The following MYBL2 variants were observed in gnomAD, a reference collection of about 807,000 sequenced individuals.
The protein encoded by MYBL2 is MYB proto-oncogene like 2.
In MYBL2, 28 loss-of-function variants were observed where a neutral mutation model predicts 79.9. The observed-to-expected ratio is 0.35, with a 90% CI of 0.26 to 0.48. The LOEUF (loss-of-function observed/expected upper bound fraction) is 0.48. Ranked by LOEUF, MYBL2 falls within the 20% of genes least tolerant of loss-of-function variation. MYBL2 has a pLI of 0.99. For synonymous variants in MYBL2, 378 were observed against 361.2 expected (o/e 1.05, Z -0.53); for missense variants, 735 against 893.9 (o/e 0.82, Z 2.27).
chr20:43,686,981 T>A lies in MYBL2; in HGVS notation c.409T>A (p.Cys137Ser). The change falls in exon 5 of 14, where the codon TGC (cysteine) becomes AGC (serine). Residue 137 changes from cysteine to serine, a missense_variant. By Grantham distance (112) the Cys-to-Ser change is moderately radical (BLOSUM62 -1). Coordinates refer to ENST00000217026, the MANE Select transcript of MYBL2 (RefSeq NM_002466.4). ...CCTCAACCCTGAGGTGAAGAAGTCT[T>A]GCTGGACCGAGGAGGAGGACCGCAT... ...NHLNPEVKKS[C>S]WTEEEDRIIC... The A allele has an allele frequency of 1.2e-6, 2 of 1,614,072 alleles. No homozygotes were observed. The highest frequency in any genetic ancestry group is 1.3e-5 in the African/African-American group (1 of 75,040).
chr20:43,711,441 A>T (rs1987903127), intron 10 of MYBL2, 47 bp from the exon 11 acceptor site: 2 of 1,487,160 alleles, frequency 1.3e-6, no homozygotes, highest in Admixed American at 3.7e-5. Context: ...ACACACACAC[A>T]GCCCGAGTGT....
At chr20:43,714,552 G>A (rs549516990) in intron 12 of MYBL2, among the ~76,000 whole-genome samples, 2 of 152,126 alleles carry the variant, frequency 1.3e-5, no homozygotes, top group South Asian at 2.1e-4. Flanking sequence ...GCTCTGAAAC[G>A]CACACACGTT....
chr20:43,681,270 C>G (rs1987136213), intron 2 of MYBL2, among the ~76,000 whole-genome samples: 1 of 152,102 alleles, frequency 6.6e-6, no homozygotes, highest in Non-Finnish European at 1.5e-5. Flanking sequence ...CCCTTCCAGC[C>G]CCTTTCCCAC....
At chr20:43,681,155 G>A (rs1047140777) in intron 2 of MYBL2, among the ~76,000 whole-genome samples, 20 of 152,186 alleles carry the variant, frequency 1.3e-4, no homozygotes, top group African/African-American at 4.6e-4. Context: ...ATACTAGCCT[G>A]TCTTCTAACT....
intron 1 of MYBL2, among the ~76,000 whole-genome samples, chr20:43,669,184 G>A (rs968719257): frequency 2.0e-5 from 3 of 151,996 alleles, no homozygotes; most frequent in Admixed American, 6.6e-5. Context: ...GTGGCCTCGC[G>A]TTGTGTCTCA....
At chr20:43,678,331 GAAAAAAAAA>G (rs11470203) in intron 2 of MYBL2, among the ~76,000 whole-genome samples, 25 of 142,982 alleles carry the variant, frequency 1.7e-4, no homozygotes, top group African/African-American at 3.7e-4. Flanking sequence ...AAGAAAGAAA[GAAAAAAAAA>G]AAAAAAGAAA....
At chr20:43,673,542 C>T (rs1471491985) in intron 1 of MYBL2, 11 of 495,894 alleles carry the variant, frequency 2.2e-5, no homozygotes, top group Admixed American at 5.0e-5. Context: ...GAGGCTGGGG[C>T]GGGACGATCA....
intron 1 of MYBL2, among the ~76,000 whole-genome samples, chr20:43,668,545 C>G (rs1454995867): frequency 1.3e-5 from 2 of 152,182 alleles, no homozygotes; most frequent in South Asian, 4.2e-4. Flanking sequence ...AAAGATGAAG[C>G]CTTCCATCCC....
intron 5 of MYBL2, among the ~76,000 whole-genome samples, chr20:43,691,264 G>T (rs1020952086): frequency 6.6e-6 from 1 of 152,128 alleles, no homozygotes; most frequent in African/African-American, 2.4e-5. Context: ...AAGGGGGTGA[G>T]AGTTCCAAGC....
intron 13 of MYBL2, 58 bp downstream of exon 13, chr20:43,715,341 T>C (rs1201156432): frequency 3.1e-6 from 5 of 1,606,604 alleles, no homozygotes; most frequent in Middle Eastern, 3.5e-4. Flanking sequence ...AGCTCAGGGC[T>C]GAGTGCTGGC....
At chr20:43,670,411 C>T (rs1986828211) in intron 1 of MYBL2, among the ~76,000 whole-genome samples, 1 of 152,178 alleles carries the variant, frequency 6.6e-6, no homozygotes, top group Non-Finnish European at 1.5e-5. Flanking sequence ...GACACCGTCC[C>T]TCCTTTCCTA....
At chr20:43,709,912 T>C (rs778967989) in intron 9 of MYBL2, 51 bp from the exon 10 acceptor site, 3 of 1,448,622 alleles carry the variant, frequency 2.1e-6, no homozygotes, top group Non-Finnish European at 2.9e-6. Context: ...GCAGAGTGCC[T>C]GGCGTCGGCC....
At position 43,696,350 on chromosome 20, in the gene MYBL2, C is replaced by T. The variant is rs1987541286; in HGVS notation, c.664-3407C>T. Among the ~76,000 whole-genome samples, 2 of 151,752 alleles carry T rather than the reference C, an allele frequency of 1.3e-5. 1 individual carries two copies. Among genetic ancestry groups the T allele is most frequent in the Admixed American group, 1.3e-4 (2 of 15,238 alleles). On this transcript the variant is annotated intron_variant, in intron 6 of 13. Coordinates refer to ENST00000217026, the MANE Select transcript of MYBL2 (RefSeq NM_002466.4). ...CCGCCTCCCGGGTTCAAGCGATTCT[C>T]CTGCCTCAGCCTGCCGAGTAGCTGG...
chr20:43,701,281 A>G (rs1005692062), intron 7 of MYBL2, among the ~76,000 whole-genome samples: 2 of 145,894 alleles, frequency 1.4e-5, no homozygotes, highest in African/African-American at 4.8e-5. Context: ...TGTAGGATGT[A>G]CTTCTGGTCT....
In MYBL2 at chr20:43,707,694, C is replaced by T. The variant is rs568656109; in HGVS notation, c.1506-2269C>T. ...GTGAGCTGTAATCCAGCTGTTATTCCTTTGTAGAGAGTCTCTTTAGTTATC... is the reference window on the plus strand; with the variant it reads ...GTGAGCTGTAATCCAGCTGTTATTCTTTTGTAGAGAGTCTCTTTAGTTATC... On this transcript the variant is annotated intron_variant, in intron 9 of 13. Transcript: ENST00000217026. Among the ~76,000 whole-genome samples, 9 of 152,204 alleles carry T rather than the reference C, an allele frequency of 5.9e-5. No homozygotes were observed. In the East Asian group the frequency reaches 9.7e-4, roughly 16 times the overall value.
chr20:43,671,200 G>A (rs1049071981), intron 1 of MYBL2, among the ~76,000 whole-genome samples: 1 of 151,930 alleles, frequency 6.6e-6, no homozygotes, highest in Non-Finnish European at 1.5e-5. Flanking sequence ...CCAGGCTGGA[G>A]TGCAGTGGCA....
intron 13 of MYBL2, 128 bp downstream of exon 13, chr20:43,715,411 C>A (rs562906213): frequency 1.4e-6 from 2 of 1,451,108 alleles, no homozygotes; most frequent in South Asian, 1.3e-5. Flanking sequence ...ATAGGCTGTT[C>A]CTCTGCCTGG....
intron 13 of MYBL2, 128 bp downstream of exon 13, chr20:43,715,411 C>G: frequency 6.9e-7 from 1 of 1,451,110 alleles, no homozygotes; most frequent in Non-Finnish European, 9.3e-7. Flanking sequence ...ATAGGCTGTT[C>G]CTCTGCCTGG....
At chr20:43,698,280 G>C (rs1057214783) in intron 6 of MYBL2, among the ~76,000 whole-genome samples, 1 of 150,638 alleles carries the variant, frequency 6.6e-6, no homozygotes, top group Non-Finnish European at 1.5e-5. Context: ...GAACTCCTGG[G>C]CTCAAGGGAT....
Sources: gnomAD v4.1 joint callset for allele counts (sites outside exome capture counted in the v4.1 genomes callset) on GRCh38, gnomAD v4.1.1 for gene constraint, MANE v1.5 for transcripts, NCBI Gene and HGNC (gene_info 2026-07-23, HGNC 2026-07-21) for gene names.